Variants in ACKR2 observed in about 807,000 individuals in gnomAD.
ACKR2 encodes the protein C-C chemokine receptor D6.
For missense variants in ACKR2, 457 were observed against 477.3 expected (o/e 0.96, Z 0.40); for synonymous variants, 207 against 192.2 (o/e 1.08, Z -0.64).
chr3:42,854,496 G>A lies in ACKR2; in HGVS notation c.-37-9970G>A, dbSNP rs149396872. Reference sequence around the variant, plus strand: ...CCATTTTGAAAGGGAGTGTGGGGGGGAAGGGGTCGTCACTTCCACCTCACG... The same window carrying A: ...CCATTTTGAAAGGGAGTGTGGGGGGAAAGGGGTCGTCACTTCCACCTCACG... On this transcript the variant is annotated intron_variant, in intron 2 of 2. Coordinates refer to ENST00000422265, the MANE Select transcript of ACKR2 (RefSeq NM_001296.5). Among the ~76,000 whole-genome samples the A allele has an allele frequency of 2.7e-3, 418 of 152,238 alleles. 3 individuals are homozygous for A. The highest frequency in any genetic ancestry group is 9.1e-3 in the African/African-American group (376 of 41,538).
In ACKR2 at chr3:42,860,924, T is replaced by A. The variant is rs548818865; in HGVS notation, c.-37-3542T>A. ...AGGAGAAAGCAGGAAAGATTTAAAA[T>A]CGACAGCCTAACATCACAATTAAAA... On this transcript the variant is annotated intron_variant, in intron 2 of 2. Coordinates refer to ENST00000422265, the MANE Select transcript of ACKR2 (RefSeq NM_001296.5). 3.3e-5 allele frequency among the ~76,000 whole-genome samples: 5 copies of A among 152,144 alleles called. No homozygotes were observed. In the East Asian group the frequency reaches 9.7e-4, roughly 29 times the overall value.
intron 2 of ACKR2, among the ~76,000 whole-genome samples, chr3:42,822,879 C>G (rs903213475): frequency 4.6e-5 from 7 of 152,140 alleles, no homozygotes; most frequent in South Asian, 2.1e-4. Context: ...AATCTGCCCC[C>G]CTTCCCCAGT....
chr3:42,828,090 ATAT>A (rs1390268931), intron 2 of ACKR2, among the ~76,000 whole-genome samples: 28 of 91,902 alleles, frequency 3.0e-4, no homozygotes, highest in African/African-American at 1.2e-3. Context: ...ATATATATAT[ATAT>A]TTTTTTTTTT....
chr3:42,862,554 C>A (rs755128600), intron 2 of ACKR2, among the ~76,000 whole-genome samples: 1 of 152,264 alleles, frequency 6.6e-6, no homozygotes, highest in Non-Finnish European at 1.5e-5. Context: ...ATAGCCAAGA[C>A]AATCCTAAGC....
rs1458340453 is a variant in ACKR2 at position 42,848,239 on chromosome 3, G to A, written c.-37-16227G>A. The stretch of plus-strand genomic sequence containing the variant: ...TTTTTTTTTTTTTTTTTTTTTTTGA[G>A]ATGGGGTCTCCCTCTGTTGCCCATG... On this transcript the variant is annotated intron_variant, in intron 2 of 2. Coordinates refer to ENST00000422265, the MANE Select transcript of ACKR2 (RefSeq NM_001296.5). Among the ~76,000 whole-genome samples, 28 of 93,552 alleles carry A rather than the reference G, an allele frequency of 3.0e-4. No homozygotes were observed. In the East Asian group the frequency reaches 7.5e-3, roughly 25 times the overall value. 61.4% of individuals were successfully genotyped at this position (93,552 alleles called of 152,430 possible). A position where few individuals can be genotyped will look rare whatever the true frequency, so the allele number is the denominator to read the frequency against.
In ACKR2 at chr3:42,857,651, C is replaced by T. The variant is rs1346416; in HGVS notation, c.-37-6815C>T. Reference sequence around the variant, plus strand: ...CATGATGGATCACACCTTTCTGCTGCGAACAGAAATATTGGATAAAATGTT... The same window carrying T: ...CATGATGGATCACACCTTTCTGCTGTGAACAGAAATATTGGATAAAATGTT... On this transcript the variant is annotated intron_variant, in intron 2 of 2. Coordinates refer to ENST00000422265, the MANE Select transcript of ACKR2 (RefSeq NM_001296.5). 4.6e-3 allele frequency among the ~76,000 whole-genome samples: 698 copies of T among 152,130 alleles called. 6 individuals are homozygous for T. Among genetic ancestry groups the T allele is most frequent in the African/African-American group, 0.016 (664 of 41,478 alleles).
intron 2 of ACKR2, among the ~76,000 whole-genome samples, chr3:42,846,964 G>A (rs545068984): frequency 6.6e-6 from 1 of 152,296 alleles, no homozygotes; most frequent in Non-Finnish European, 1.5e-5. Flanking sequence ...ATGAGCAAAA[G>A]AGCACCGGAG....
Position 42,865,813 on chromosome 3 carries a change from C to T in ACKR2, c.*156C>T, listed in dbSNP as rs1050147222. 5.0e-6 allele frequency: 3 copies of T among 597,414 alleles called. No individual in the cohort carries two copies. Among genetic ancestry groups the T allele is most frequent in the African/African-American group, 3.7e-5 (2 of 53,648 alleles). The allele number at this position is 597,414 out of a possible 1,614,324, so 37.0% of individuals were successfully genotyped here. On this transcript the variant is annotated 3_prime_UTR_variant, in exon 3 of 3. Transcript: ENST00000422265. ...CAGCAGCATTTGCTCGCCCCGCCTT[C>T]TTCCTCCACTTTCTTCACTTGCTTC...
intron 2 of ACKR2, among the ~76,000 whole-genome samples, chr3:42,840,028 G>T (rs1334721424): frequency 2.6e-5 from 4 of 152,084 alleles, no homozygotes; most frequent in Non-Finnish European, 5.9e-5. Flanking sequence ...GGAAGCCGAG[G>T]CGGGTGGATC....
chr3:42,828,632 G>A lies in ACKR2; in HGVS notation c.-38+8921G>A, dbSNP rs140557668. ...GGAAGGTCTGAGGATGAGATTTGGAGATATGGAGATTTGGAGCGGCGAATT... is the reference window on the plus strand; with the variant it reads ...GGAAGGTCTGAGGATGAGATTTGGAAATATGGAGATTTGGAGCGGCGAATT... On this transcript the variant is annotated intron_variant, in intron 2 of 2. Coordinates refer to ENST00000422265, the MANE Select transcript of ACKR2 (RefSeq NM_001296.5). Among the ~76,000 whole-genome samples the A allele has an allele frequency of 3.9e-4, 59 of 152,312 alleles. 1 individual carries two copies. Among genetic ancestry groups the A allele is most frequent in the African/African-American group, 1.3e-3 (54 of 41,562 alleles).
At chr3:42,829,202 C>A (rs35429669) in intron 2 of ACKR2, among the ~76,000 whole-genome samples, 25,540 of 152,078 alleles carry the variant, frequency 0.17, 2,768 homozygotes, top group Non-Finnish European at 0.25. Flanking sequence ...GCAAAAATAC[C>A]AGAAGGTGGC....
At chr3:42,840,305 C>G (rs1437235850) in intron 2 of ACKR2, among the ~76,000 whole-genome samples, 1 of 148,422 alleles carries the variant, frequency 6.7e-6, no homozygotes, top group Non-Finnish European at 1.5e-5. Flanking sequence ...ATAGAGTATC[C>G]AAGAAGAGTC....
chr3:42,848,311 G>A (rs770650567), intron 2 of ACKR2, among the ~76,000 whole-genome samples: 55 of 139,354 alleles, frequency 3.9e-4, no homozygotes, highest in Non-Finnish European at 7.0e-4. Flanking sequence ...TCCACTTCCC[G>A]GGCTCAAACA....
intron 2 of ACKR2, among the ~76,000 whole-genome samples, chr3:42,842,067 A>G (rs1408998779): frequency 6.6e-6 from 1 of 152,192 alleles, no homozygotes; most frequent in East Asian, 1.9e-4. Flanking sequence ...TGAAGATTAG[A>G]TGAGTTTAGG....
chr3:42,861,575 A>G (rs1400573393), intron 2 of ACKR2, among the ~76,000 whole-genome samples: 1 of 152,242 alleles, frequency 6.6e-6, no homozygotes, highest in Non-Finnish European at 1.5e-5. Flanking sequence ...AGAAAATTTC[A>G]GGCCAATATC....
chr3:42,862,500 G>GA (rs1310876831), intron 2 of ACKR2, among the ~76,000 whole-genome samples: 3 of 152,098 alleles, frequency 2.0e-5, no homozygotes, highest in Non-Finnish European at 4.4e-5. Flanking sequence ...CACAGACTTA[G>GA]AAAAAACTAC....
chr3:42,859,673 G>A (rs748542196), intron 2 of ACKR2, among the ~76,000 whole-genome samples: 16 of 152,196 alleles, frequency 1.1e-4, no homozygotes, highest in East Asian at 5.8e-4. Flanking sequence ...GAGCCGCCGC[G>A]CCTGGCCTTC....
intron 2 of ACKR2, among the ~76,000 whole-genome samples, chr3:42,840,121 G>A (rs985528199): frequency 7.2e-5 from 11 of 152,028 alleles, no homozygotes; most frequent in African/African-American, 2.4e-4. Flanking sequence ...TTAGCCGGGC[G>A]TGGTAGCTGG....
Position 42,862,395 on chromosome 3 carries a change from T to C in ACKR2, c.-37-2071T>C, listed in dbSNP as rs1404841879. On this transcript the variant is annotated intron_variant, in intron 2 of 2. Coordinates refer to ENST00000422265, the MANE Select transcript of ACKR2 (RefSeq NM_001296.5). ...CAAATAGAAAAACATTCCACGCTCA[T>C]GGATAGGAAAAATGAATATCGTGAA... is the stretch of plus-strand genomic sequence containing the variant. Among the ~76,000 whole-genome samples the C allele has an allele frequency of 4.6e-5, 7 of 152,308 alleles. No individual in the cohort carries two copies. The East Asian group carries it at 1.4e-3, about 29-fold the overall frequency.
Sources: allele counts gnomAD v4.1 joint callset (sites outside exome capture counted in the v4.1 genomes callset), GRCh38; gene constraint gnomAD v4.1.1; transcripts MANE v1.5; gene names NCBI Gene and HGNC (gene_info 2026-07-23, HGNC 2026-07-21).